Variants in PCDHA3 observed in about 807,000 individuals in gnomAD.
PCDHA3 encodes protocadherin alpha 3, also known as protocadherin alpha-3.
Under a neutral mutation model 62.2 loss-of-function variants are expected in PCDHA3, and 41 were observed. The observed-to-expected ratio is 0.66, with a 90% confidence interval of 0.51 to 0.86. The LOEUF is 0.86. Ranked by LOEUF, PCDHA3 falls within the 40% of genes least tolerant of loss-of-function variation. The probability of loss-of-function intolerance (pLI) is 0.00; values close to 1 mark genes in which losing one functional copy is unlikely to be tolerated. For synonymous variants in PCDHA3, 640 were observed against 555.4 expected, an observed-to-expected ratio of 1.15 and a Z score of -2.14; for missense variants, 1,304 against 1,241.2, an observed-to-expected ratio of 1.05 and a Z score of -0.76.
At chr5:140,897,412 C>T (rs1304528785) in intron 1 of PCDHA3, among the ~76,000 whole-genome samples, 1 of 143,354 alleles carries the variant, frequency 7.0e-6, no homozygotes, top group Non-Finnish European at 1.5e-5. Context: ...TTGTTCAATT[C>T]CCATCTATGA....
chr5:140,877,844 G>A lies in PCDHA3; in HGVS notation c.2394+74253G>A, dbSNP rs945643108. The A allele has an allele frequency of 5.1e-6, 8 of 1,568,656 alleles. No homozygotes were observed. In the African/African-American group the frequency reaches 8.3e-5, roughly 16 times the overall value. ...TGTTTAAATCCTCCCAGTGAAGTAA[G>A]TTATTAATATTATTTAGATATATTT... On this transcript the variant is annotated intron_variant, in intron 1 of 3. Coordinates refer to ENST00000522353, the MANE Select transcript of PCDHA3 (RefSeq NM_018906.3).
chr5:140,959,141 C>G (rs936183508), intron 1 of PCDHA3, among the ~76,000 whole-genome samples: 1 of 151,924 alleles, frequency 6.6e-6, no homozygotes, highest in Admixed American at 6.6e-5. Context: ...CTTTGGGAGG[C>G]CAAAGTGGGC....
chr5:140,995,511 A>G (rs561169284), intron 3 of PCDHA3, among the ~76,000 whole-genome samples: 1 of 152,342 alleles, frequency 6.6e-6, no homozygotes, highest in Admixed American at 6.5e-5. Flanking sequence ...TGGGTAACTG[A>G]AGCCTCAGAA....
At chr5:140,880,643 A>G (rs937655917) in intron 1 of PCDHA3, among the ~76,000 whole-genome samples, 1 of 152,198 alleles carries the variant, frequency 6.6e-6, no homozygotes, top group African/African-American at 2.4e-5. Context: ...TTCACTTGAG[A>G]GCCCAACTGA....
chr5:140,877,303 T>G, intron 1 of PCDHA3: 1 of 1,613,850 alleles, frequency 6.2e-7, no homozygotes, highest in South Asian at 1.1e-5. Flanking sequence ...GTCCTACGAG[T>G]TGCAACCGGC....
chr5:140,965,857 A>G (rs1563345275), intron 1 of PCDHA3, among the ~76,000 whole-genome samples: 1 of 152,220 alleles, frequency 6.6e-6, no homozygotes, highest in South Asian at 2.1e-4. Context: ...GCACACACTG[A>G]AAATAAGGGC....
Position 140,836,232 on chromosome 5 carries a change from G to T in PCDHA3, c.2394+32641G>T. 4 of 1,613,788 alleles carry T rather than the reference G, an allele frequency of 2.5e-6. No homozygotes were observed. In the South Asian group the frequency reaches 3.3e-5, roughly 13 times the overall value. On this transcript the variant is annotated intron_variant, in intron 1 of 3. Transcript: ENST00000522353. ...GTATGAGTTGCAACCGGTGGCGGCCGGTGCGAGCATCCCGTTCCGCGTGGG... is the reference window on the plus strand; with the variant it reads ...GTATGAGTTGCAACCGGTGGCGGCCTGTGCGAGCATCCCGTTCCGCGTGGG...
In PCDHA3 at chr5:140,857,157, T is replaced by C. The variant is rs1371246447; in HGVS notation, c.2394+53566T>C. The C allele has an allele frequency of 5.6e-6, 9 of 1,598,272 alleles. 1 individual carries two copies. The Middle Eastern group carries it at 5.0e-4, about 88-fold the overall frequency. On this transcript the variant is annotated intron_variant, in intron 1 of 3. Transcript: ENST00000522353. ...GCTCAAGTGGGCACCGTCATTGCCC[T>C]AATCAGCGTTTCTGACCATGATTCA... is the stretch of plus-strand genomic sequence containing the variant.
At chr5:140,903,347 A>C (rs1393300562) in intron 1 of PCDHA3, among the ~76,000 whole-genome samples, 2 of 152,228 alleles carry the variant, frequency 1.3e-5, no homozygotes, top group Non-Finnish European at 2.9e-5. Context: ...GCATTTTAAA[A>C]AACAAGTTTT....
chr5:140,973,554 C>T (rs897513375), intron 1 of PCDHA3, among the ~76,000 whole-genome samples: 3 of 152,316 alleles, frequency 2.0e-5, no homozygotes, highest in Admixed American at 6.5e-5. Flanking sequence ...TTTCAATTAC[C>T]TCTTTCCTCA....
intron 1 of PCDHA3, chr5:140,870,942 G>T (rs782286042): frequency 1.2e-6 from 2 of 1,613,740 alleles, no homozygotes; most frequent in Non-Finnish European, 1.7e-6. Flanking sequence ...TGCAGCCGGC[G>T]GCGGGCGGCT....
At chr5:140,853,588 A>G in intron 1 of PCDHA3, 1 of 986,058 alleles carries the variant, frequency 1.0e-6, no homozygotes, top group Non-Finnish European at 1.2e-6. Context: ...TATCTTAGAC[A>G]CTTTGAGAGC....
intron 1 of PCDHA3, chr5:140,805,424 G>C (rs781903034): frequency 2.8e-6 from 3 of 1,056,844 alleles, no homozygotes; most frequent in Non-Finnish European, 3.4e-6. Context: ...GTTTTTTGTT[G>C]TTGTTTTGGT....
chr5:140,883,184 G>T (rs1341554668), intron 1 of PCDHA3: 10 of 1,613,756 alleles, frequency 6.2e-6, no homozygotes, highest in Non-Finnish European at 8.5e-6. Flanking sequence ...TAGGACAAAA[G>T]GCAAACTAGA....
chr5:140,824,938 G>A (rs1474426433), intron 1 of PCDHA3: 1 of 151,940 alleles, frequency 6.6e-6, no homozygotes, highest in Non-Finnish European at 1.5e-5. Flanking sequence ...TTTGATAATT[G>A]TAATTTAAAA....
At chr5:140,851,660 T>G in intron 1 of PCDHA3, 1 of 914,450 alleles carries the variant, frequency 1.1e-6, no homozygotes, top group African/African-American at 1.8e-5. Flanking sequence ...GACATTCTCC[T>G]TTTAATTGAA....
In PCDHA3 at chr5:140,915,632, C is replaced by CTCTG. The variant is rs1161142039; in HGVS notation, c.2395-63314_2395-63313insGTCT. 3.9e-3 allele frequency among the ~76,000 whole-genome samples: 565 copies of CTCTG among 144,610 alleles called. 2 individuals are homozygous for CTCTG. Among genetic ancestry groups the CTCTG allele is most frequent in the African/African-American group, 0.016 (538 of 34,672 alleles). 94.9% of individuals were successfully genotyped at this position (144,610 alleles called of 152,430 possible). A position where few individuals can be genotyped will look rare whatever the true frequency, so the allele number is the denominator to read the frequency against. On this transcript the variant is annotated intron_variant, in intron 1 of 3. Coordinates refer to ENST00000522353, the MANE Select transcript of PCDHA3 (RefSeq NM_018906.3). ...TGTCAAACAGTCTCTTTCTGTCTCT[C>CTCTG]TCTCTCTCTCTCTCTCTCTCTCTCA...
At chr5:140,888,321 A>G (rs2061786627) in intron 1 of PCDHA3, among the ~76,000 whole-genome samples, 1 of 152,176 alleles carries the variant, frequency 6.6e-6, no homozygotes, top group Non-Finnish European at 1.5e-5. Flanking sequence ...ATGCCTGGAT[A>G]CATTTTTGGT....
At chr5:140,862,877 G>A (rs782429840) in intron 1 of PCDHA3, 3 of 567,440 alleles carry the variant, frequency 5.3e-6, no homozygotes, top group African/African-American at 3.8e-5. Context: ...CCAGGTATTA[G>A]TGCTGGAACG....
Sources: allele counts gnomAD v4.1 joint callset (sites outside exome capture counted in the v4.1 genomes callset), GRCh38; gene constraint gnomAD v4.1.1; transcripts MANE v1.5; gene names NCBI Gene and HGNC (gene_info 2026-07-23, HGNC 2026-07-21).